The following SLC7A4 variants were observed in gnomAD, a reference collection of about 807,000 sequenced individuals.
SLC7A4 encodes the protein solute carrier family 7 member 4.
Under a neutral mutation model 37.8 loss-of-function variants are expected in SLC7A4, and 30 were observed. The observed-to-expected ratio is 0.79, with a 90% CI of 0.59 to 1.08. The LOEUF is 1.08. Ranked by LOEUF, SLC7A4 falls within the 50% of genes least tolerant of loss-of-function variation. The probability of loss-of-function intolerance (pLI) is 0.00; values close to 1 mark genes in which losing one functional copy is unlikely to be tolerated. For missense variants in SLC7A4, 839 were observed against 843.2 expected (o/e 1.00, Z 0.06); for synonymous variants, 359 against 376.5 (o/e 0.95, Z 0.54).
chr22:21,032,129 G>A (rs1490282808), intron 1 of SLC7A4, among the ~76,000 whole-genome samples: 1 of 152,168 alleles, frequency 6.6e-6, no homozygotes, highest in Non-Finnish European at 1.5e-5. Flanking sequence ...GAGGGGTGGG[G>A]AGGGAGCAGC....
chr22:21,031,392 G>C lies in SLC7A4; in HGVS notation c.421C>G (p.Leu141Val). The part of the protein sequence containing the change: ...AAVARAWSGY[L>V]DSMFSHSIRN... The stretch of plus-strand genomic sequence containing the variant: ...ATGCTGTGGCTGAACATAGAGTCCA[G>C]GTAGCCACTCCAGGCACGGGCCACG... The change falls in exon 2 of 5, where the codon CTG (leucine) becomes GTG (valine). Residue 141 changes from leucine (L) to valine (V), a missense_variant. Physicochemically the swap from Leu to Val is conservative, Grantham distance 32. Transcript: ENST00000382932. 6.2e-7 allele frequency: 1 copy of C among 1,610,046 alleles called. No homozygotes were observed. The highest frequency in any genetic ancestry group is 8.5e-7 in the Non-Finnish European group (1 of 1,178,592).
chr22:21,029,068 C>A lies in SLC7A4; in HGVS notation c.1895G>T (p.Gly632Val). The A allele has an allele frequency of 6.2e-7, 1 of 1,609,000 alleles. No homozygotes were observed. The highest frequency in any genetic ancestry group is 8.5e-7 in the Non-Finnish European group (1 of 1,178,788). ...PPSQAPAQDPGHME is the reference protein window; with the variant it reads ...PPSQAPAQDPVHME ...TGGGCTGATCAGCTACTCCATATGG[C>A]CAGGGTCCTGTGCTGGTGCCTGGCT... Residue 632 changes from glycine (G) to valine (V), a missense_variant, in exon 5 of 5, where the codon GGC (glycine) becomes GTC (valine). Physicochemically the swap from Gly to Val is moderately radical, Grantham distance 109. Transcript: ENST00000382932.
At position 21,029,987 on chromosome 22, in the gene SLC7A4, G is replaced by T. The variant is rs559055973; in HGVS notation, c.1347C>A (p.His449Gln). ...GCTCCCCTGGCTCAGGGACGGAGGC[G>T]TGTACAGTGCCCACCAGCTGTAGGT... ...SDHLQLVGTV[H>Q]ASVPEPGELK... Residue 449 changes from histidine to glutamine, a missense_variant, in exon 3 of 5, where the codon CAC becomes CAA. Coordinates refer to ENST00000382932, the MANE Select transcript of SLC7A4 (RefSeq NM_004173.3). The T allele has an allele frequency of 1.2e-6, 2 of 1,613,848 alleles. No homozygotes were observed. Among genetic ancestry groups the T allele is most frequent in the East Asian group, 4.5e-5 (2 of 44,864 alleles).
In SLC7A4 at chr22:21,031,624, G is replaced by A; in HGVS notation, c.189C>T (p.Ala63=). ...GCACAGCAGGGCCAGCCACCTCCTT[G>A]GCCACGGCACCTGTGAGCACGTAGA... is the stretch of plus-strand genomic sequence containing the variant. ...SGLYVLTGAV[A]KEVAGPAVLL... The change falls in exon 2 of 5, where the codon GCC becomes GCT. Residue 63 remains alanine, a synonymous_variant. Coordinates refer to ENST00000382932, the MANE Select transcript of SLC7A4 (RefSeq NM_004173.3). 1 of 1,609,194 alleles carries A rather than the reference G, an allele frequency of 6.2e-7. No individual in the cohort carries two copies. Among genetic ancestry groups the A allele is most frequent in the Middle Eastern group, 1.7e-4 (1 of 6,034 alleles).
chr22:21,029,975 A>C lies in SLC7A4; in HGVS notation c.1359T>G (p.Pro453=), dbSNP rs769306039. 2.5e-6 allele frequency: 4 copies of C among 1,613,870 alleles called. No individual in the cohort carries two copies. Among genetic ancestry groups the C allele is most frequent in the Admixed American group, 3.3e-5 (2 of 60,014 alleles). ...GGGCTGGCTTCAGCTCCCCTGGCTCAGGGACGGAGGCGTGTACAGTGCCCA... is the reference window on the plus strand; with the variant it reads ...GGGCTGGCTTCAGCTCCCCTGGCTCCGGGACGGAGGCGTGTACAGTGCCCA... ...QLVGTVHASV[P]EPGELKPALR... The change falls in exon 3 of 5, where the codon CCT becomes CCG. Residue 453 remains proline, a synonymous_variant. Coordinates refer to ENST00000382932, the MANE Select transcript of SLC7A4 (RefSeq NM_004173.3).
intron 1 of SLC7A4, 42 bp from the exon 2 acceptor site, chr22:21,031,894 C>T: frequency 7.3e-7 from 1 of 1,370,070 alleles, no homozygotes. Flanking sequence ...GTAGCCGGGG[C>T]CTGACCAGCC....
At position 21,030,251 on chromosome 22, in the gene SLC7A4, G is replaced by T. The variant is rs140649964; in HGVS notation, c.1083C>A (p.His361Gln). 16 of 1,613,772 alleles carry T rather than the reference G, an allele frequency of 9.9e-6. No homozygotes were observed. The African/African-American group carries it at 1.7e-4, about 17-fold the overall frequency. The part of the protein sequence containing the change: ...GLFFQVFAHV[H>Q]PRTQVPVAGT... ...CCGCCACAGGCACCTGTGTCCGGGG[G>T]TGCACATGGGCAAACACCTGGAAGA... is the stretch of plus-strand genomic sequence containing the variant. The change falls in exon 3 of 5, where the codon CAC (histidine) becomes CAA (glutamine). Residue 361 changes from histidine to glutamine, a missense_variant. By Grantham distance (24) the His-to-Gln change is conservative (BLOSUM62 0). Coordinates refer to ENST00000382932, the MANE Select transcript of SLC7A4 (RefSeq NM_004173.3).
rs770325283 is a variant in SLC7A4 at position 21,030,964 on chromosome 22, G to A, written c.849C>T (p.Tyr283=). 3.1e-6 allele frequency: 5 copies of A among 1,614,078 alleles called. No homozygotes were observed. The Admixed American group carries it at 8.3e-5, about 27-fold the overall frequency. ...AISLAIAAGA[Y]ILVSTVLTLM... ...GGGTTAGCACGGTGGAGACAAGGAT[G>A]TAGGCACCAGCTGCAATGGCAAGCG... Residue 283 remains tyrosine, a synonymous_variant, in exon 2 of 5, where the codon TAC becomes TAT. Transcript: ENST00000382932.
rs755281945 is a variant in SLC7A4, at chr22:21,030,840, A to T, written c.973T>A (p.Ser325Thr). 6.3e-7 allele frequency: 1 copy of T among 1,585,568 alleles called. No individual in the cohort carries two copies. Among genetic ancestry groups the T allele is most frequent in the Admixed American group, 1.8e-5 (1 of 57,052 alleles). The change falls in exon 2 of 5, where the codon TCC (serine) becomes ACC (threonine). Residue 325 changes from serine to threonine, a missense_variant. Transcript: ENST00000382932. ...RWAGFIVAAGSICAMNTVLLS... is the reference protein window; with the variant it reads ...RWAGFIVAAGTICAMNTVLLS... ...AGGAAGAGTCTCTCACCGCAGATGG[A>T]GCCAGCTGCCACGATGAAGCCAGCC... is the stretch of plus-strand genomic sequence containing the variant.
chr22:21,032,003 G>A, intron 1 of SLC7A4, 151 bp from the exon 2 acceptor site: 1 of 477,330 alleles, frequency 2.1e-6, no homozygotes, highest in Non-Finnish European at 3.4e-6. Flanking sequence ...GCTGGAATGG[G>A]GCAGGTGTCA....
In SLC7A4 at chr22:21,029,986, C is replaced by T. The variant is rs139646093; in HGVS notation, c.1348G>A (p.Ala450Thr). ...DHLQLVGTVH[A>T]SVPEPGELKP... ...AGCTCCCCTGGCTCAGGGACGGAGG[C>T]GTGTACAGTGCCCACCAGCTGTAGG... The change falls in exon 3 of 5, where the codon GCC becomes ACC. Residue 450 changes from alanine (A) to threonine (T), a missense_variant. Coordinates refer to ENST00000382932, the MANE Select transcript of SLC7A4 (RefSeq NM_004173.3). 3.7e-5 allele frequency: 59 copies of T among 1,613,804 alleles called. No homozygotes were observed. The East Asian group carries it at 7.8e-4, about 21-fold the overall frequency.
At chr22:21,032,194 C>A (rs1480354643) in intron 1 of SLC7A4, among the ~76,000 whole-genome samples, 1 of 152,182 alleles carries the variant, frequency 6.6e-6, no homozygotes, top group African/African-American at 2.4e-5. Context: ...GGTCCCAGAG[C>A]CAGGTGAAAC....
At chr22:21,030,716 G>T in intron 2 of SLC7A4, 115 bp downstream of exon 2, 2 of 1,244,174 alleles carry the variant, frequency 1.6e-6, no homozygotes, top group Non-Finnish European at 2.2e-6. Context: ...CACTTTCCTT[G>T]CCCCATTATG....
At chr22:21,030,708 CT>C in intron 2 of SLC7A4, 122 bp downstream of exon 2, 2 of 1,210,838 alleles carry the variant, frequency 1.7e-6, no homozygotes, top group Non-Finnish European at 2.2e-6. Context: ...ATAATTAGCA[CT>C]TTCCTTGCCC....
At position 21,030,432 on chromosome 22, in the gene SLC7A4, C is replaced by G. The variant is rs112791433; in HGVS notation, c.983-81G>C. 5.9e-4 allele frequency: 837 copies of G among 1,420,174 alleles called. 8 individuals carry two copies. The African/African-American group carries it at 0.01, about 18-fold the overall frequency. The allele number at this position is 1,420,174 out of a possible 1,614,324, so 88.0% of individuals were successfully genotyped here. Reference sequence around the variant, plus strand: ...CTGCTGGGGGTCGGTGCATGGGTGGCTCCTTGGGAACAAGGGCATGAGCTT... The same window carrying G: ...CTGCTGGGGGTCGGTGCATGGGTGGGTCCTTGGGAACAAGGGCATGAGCTT... On this transcript the variant is annotated intron_variant, in intron 2 of 4. Transcript: ENST00000382932.
rs769974415 is a variant in SLC7A4 at position 21,030,113 on chromosome 22, G to C, written c.1221C>G (p.Thr407=). Residue 407 remains threonine, a synonymous_variant, in exon 3 of 5, where the codon ACC becomes ACG. Coordinates refer to ENST00000382932, the MANE Select transcript of SLC7A4 (RefSeq NM_004173.3). ...TCTGGAAGCGCAGCACAATGATACT[G>C]GTGGCCACGAATGTGTAGGCCAGGA... The part of the protein sequence containing the change: ...GTLLAYTFVA[T]SIIVLRFQKS... The C allele has an allele frequency of 6.2e-7, 1 of 1,613,278 alleles. No individual in the cohort carries two copies. The highest frequency in any genetic ancestry group is 2.2e-5 in the East Asian group (1 of 44,844).
In SLC7A4 at chr22:21,031,878, G is replaced by T. The variant is rs556455548; in HGVS notation, c.-40-26C>A. 2.5e-5 allele frequency: 35 copies of T among 1,420,404 alleles called. No individual in the cohort carries two copies. The Middle Eastern group carries it at 8.1e-4, about 33-fold the overall frequency. 88.0% of individuals were successfully genotyped at this position (1,420,404 alleles called of 1,614,324 possible). ...CTGCTAGGGCCAGAGGGGAATGACAGGATGCGTAGCCGGGGCCTGACCAGC... is the reference window on the plus strand; with the variant it reads ...CTGCTAGGGCCAGAGGGGAATGACATGATGCGTAGCCGGGGCCTGACCAGC... On this transcript the variant is annotated intron_variant, in intron 1 of 4. Coordinates refer to ENST00000382932, the MANE Select transcript of SLC7A4 (RefSeq NM_004173.3).
In SLC7A4 at chr22:21,030,371, G is replaced by A; in HGVS notation, c.983-20C>T. Reference sequence around the variant, plus strand: ...TCATGGCTGTAGCAGAGAGAGTGGGGAGGGTCAGCATGGCGGAGAAGCCCA... The same window carrying A: ...TCATGGCTGTAGCAGAGAGAGTGGGAAGGGTCAGCATGGCGGAGAAGCCCA... On this transcript the variant is annotated intron_variant, in intron 2 of 4. Coordinates refer to ENST00000382932, the MANE Select transcript of SLC7A4 (RefSeq NM_004173.3). 7.0e-6 allele frequency: 11 copies of A among 1,581,718 alleles called. No individual in the cohort carries two copies. Among genetic ancestry groups the A allele is most frequent in the Non-Finnish European group, 9.5e-6 (11 of 1,161,104 alleles).
rs1053102690 is a variant in SLC7A4, at chr22:21,031,943, C to T, written c.-40-91G>A. ...GGTCTGACCACCCCCAGTCCTCTCT[C>T]TGTCCCTGACCTGGGGACCTGGACA... is the stretch of plus-strand genomic sequence containing the variant. On this transcript the variant is annotated intron_variant, in intron 1 of 4. Transcript: ENST00000382932. 8 of 903,178 alleles carry T rather than the reference C, an allele frequency of 8.9e-6. No homozygotes were observed. In the Admixed American group the frequency reaches 2.0e-4, roughly 22 times the overall value. 55.9% of individuals were successfully genotyped at this position (903,178 alleles called of 1,614,324 possible).
Sources: allele counts gnomAD v4.1 joint callset (sites outside exome capture counted in the v4.1 genomes callset), GRCh38; gene constraint gnomAD v4.1.1; transcripts MANE v1.5; gene names NCBI Gene and HGNC (gene_info 2026-07-23, HGNC 2026-07-21).